Variants in FGF14 observed in about 807,000 individuals in gnomAD.
The protein encoded by FGF14 is fibroblast growth factor 14, also known as fibroblast growth factor homologous factor 4.
FGF14 carries 5 observed loss-of-function variants against 25.5 expected under a neutral mutation model. The ratio of observed to expected loss-of-function variants is 0.20; its 90% CI spans 0.10 to 0.41. The LOEUF (loss-of-function observed/expected upper bound fraction) is 0.41. Among genes scored for constraint, FGF14 ranks in the 10% least tolerant of loss-of-function variants. FGF14 has a pLI of 1.00. For synonymous variants in FGF14, 138 were observed against 118.3 expected (o/e 1.17, Z -1.08); for missense variants, 222 against 320.1 (o/e 0.69, Z 2.34).
intron 1 of FGF14, among the ~76,000 whole-genome samples, chr13:102,265,338 G>C (rs1401997254): frequency 1.3e-5 from 2 of 152,096 alleles, no homozygotes; most frequent in Non-Finnish European, 2.9e-5. Context: ...AGCAAACATG[G>C]CGGGAGGTGA....
chr13:102,320,120 C>T (rs1425197720), intron 1 of FGF14, among the ~76,000 whole-genome samples: 1 of 152,046 alleles, frequency 6.6e-6, no homozygotes. Flanking sequence ...GGGGACTGCA[C>T]AGAATAATCG....
At chr13:101,793,997 T>G (rs2040381250) in intron 3 of FGF14, among the ~76,000 whole-genome samples, 1 of 152,078 alleles carries the variant, frequency 6.6e-6, no homozygotes, top group Non-Finnish European at 1.5e-5. Context: ...GGAATGCCAC[T>G]GCATCACACA....
At chr13:102,073,694 A>G (rs1595180321) in intron 1 of FGF14, among the ~76,000 whole-genome samples, 1 of 152,230 alleles carries the variant, frequency 6.6e-6, no homozygotes. Context: ...GGAAAAAGCA[A>G]TAACAATCAA....
At chr13:102,312,372 G>A (rs1442733831) in intron 1 of FGF14, among the ~76,000 whole-genome samples, 1 of 152,034 alleles carries the variant, frequency 6.6e-6, no homozygotes, top group Non-Finnish European at 1.5e-5. Flanking sequence ...TTCATTTACA[G>A]CGTTGTCTTT....
At chr13:102,046,575 C>A (rs902141224) in intron 1 of FGF14, among the ~76,000 whole-genome samples, 1 of 152,132 alleles carries the variant, frequency 6.6e-6, no homozygotes, top group Non-Finnish European at 1.5e-5. Context: ...ATGCACCGTT[C>A]TGTTAAACTA....
chr13:102,153,008 C>A (rs2047155672), intron 1 of FGF14, among the ~76,000 whole-genome samples: 1 of 152,202 alleles, frequency 6.6e-6, no homozygotes, highest in South Asian at 2.1e-4. Context: ...CTGTGCACAG[C>A]TTGGGTGGAG....
chr13:102,386,086 T>G (rs2058295775), intron 1 of FGF14, among the ~76,000 whole-genome samples: 1 of 152,074 alleles, frequency 6.6e-6, no homozygotes, highest in South Asian at 2.1e-4. Flanking sequence ...TTCTTGTAAT[T>G]CTAAAGGGGA....
chr13:102,240,576 C>G (rs1286695124), intron 1 of FGF14, among the ~76,000 whole-genome samples: 1 of 152,142 alleles, frequency 6.6e-6, no homozygotes, highest in Non-Finnish European at 1.5e-5. Context: ...AAACACACAA[C>G]TTGTAAGGAC....
intron 1 of FGF14, among the ~76,000 whole-genome samples, chr13:101,928,905 T>C (rs2034558322): frequency 6.6e-6 from 1 of 152,216 alleles, no homozygotes; most frequent in African/African-American, 2.4e-5. Context: ...ATACATACTA[T>C]TATTAAATGC....
At chr13:101,865,005 T>C (rs997967407) in intron 3 of FGF14, among the ~76,000 whole-genome samples, 3 of 152,110 alleles carry the variant, frequency 2.0e-5, no homozygotes, top group African/African-American at 4.8e-5. Context: ...ACACAGGTAT[T>C]GGTTGTCAGA....
At chr13:102,088,850 A>G (rs1420094706) in intron 1 of FGF14, among the ~76,000 whole-genome samples, 1 of 152,184 alleles carries the variant, frequency 6.6e-6, no homozygotes, top group Non-Finnish European at 1.5e-5. Flanking sequence ...AGTACATTAT[A>G]CATAAAGTTC....
At chr13:102,224,924 C>G (rs1474638350) in intron 1 of FGF14, among the ~76,000 whole-genome samples, 1 of 152,146 alleles carries the variant, frequency 6.6e-6, no homozygotes, top group Non-Finnish European at 1.5e-5. Flanking sequence ...ACATTTTACT[C>G]TCTGCTTCCC....
At chr13:102,161,698 A>AT (rs746793588) in intron 1 of FGF14, among the ~76,000 whole-genome samples, 5,783 of 139,046 alleles carry the variant, frequency 0.042, 359 homozygotes, top group East Asian at 0.35. Flanking sequence ...GAAGAAGAAG[A>AT]AGAAGAAGAA....
At chr13:102,374,919 C>T (rs2058002584) in intron 1 of FGF14, among the ~76,000 whole-genome samples, 1 of 151,644 alleles carries the variant, frequency 6.6e-6, no homozygotes, top group African/African-American at 2.4e-5. Flanking sequence ...GTGAATTATG[C>T]TGATTCTGCA....
chr13:101,866,973 C>T (rs2044742470), intron 3 of FGF14, among the ~76,000 whole-genome samples: 1 of 152,058 alleles, frequency 6.6e-6, no homozygotes, highest in Admixed American at 6.6e-5. Flanking sequence ...AGAATAAAGC[C>T]ACCAAAGGGG....
chr13:102,291,220 C>T (rs2054377413), intron 1 of FGF14, among the ~76,000 whole-genome samples: 1 of 152,218 alleles, frequency 6.6e-6, no homozygotes, highest in Admixed American at 6.5e-5. Flanking sequence ...TCAAACCAGT[C>T]TTATAAATTA....
At chr13:101,755,296 C>A (rs1403868990) in intron 3 of FGF14, among the ~76,000 whole-genome samples, 1 of 152,052 alleles carries the variant, frequency 6.6e-6, no homozygotes, top group Admixed American at 6.5e-5. Context: ...ATATTCTTTC[C>A]CAATTTTCTT....
intron 3 of FGF14, among the ~76,000 whole-genome samples, chr13:101,760,037 A>T (rs1186633647): frequency 2.0e-5 from 3 of 152,172 alleles, no homozygotes. Flanking sequence ...GCCTGCAAAA[A>T]ATAGGGGTGA....
intron 1 of FGF14, among the ~76,000 whole-genome samples, chr13:102,212,563 C>G (rs1360984): frequency 0.19 from 28,448 of 152,124 alleles, 2,803 homozygotes; most frequent in African/African-American, 0.22. Flanking sequence ...AACCATATCT[C>G]TCTTCTCCTT....
Sources: allele counts gnomAD v4.1 joint callset (sites outside exome capture counted in the v4.1 genomes callset), GRCh38; gene constraint gnomAD v4.1.1; transcripts MANE v1.5; gene names NCBI Gene and HGNC (gene_info 2026-07-23, HGNC 2026-07-21).